Variants in PRIM2 observed in about 807,000 individuals in gnomAD.
PRIM2 encodes the protein DNA primase subunit 2, also known as DNA primase large subunit.
PRIM2 carries 39 observed loss-of-function variants against 67.3 expected under a neutral mutation model. The observed-to-expected ratio is 0.58, with a 90% CI of 0.45 to 0.76. The LOEUF (loss-of-function observed/expected upper bound fraction) is 0.76, where lower values mean the gene tolerates loss of function less well. Ranked by LOEUF, PRIM2 falls within the 30% of genes least tolerant of loss-of-function variation. The pLI, the probability that PRIM2 is intolerant of heterozygous loss-of-function variation, is 0.00. For synonymous variants in PRIM2, 143 were observed against 198.7 expected, an observed-to-expected ratio of 0.72 and a Z score of 2.36; for missense variants, 398 against 598.7, an observed-to-expected ratio of 0.66 and a Z score of 3.50.
chr6:57,470,428 C>CCCTCTCT (rs1773310142), intron 7 of PRIM2, among the ~76,000 whole-genome samples: 1 of 38,772 alleles, frequency 2.6e-5, no homozygotes, highest in Non-Finnish European at 4.8e-5. Context: ...CTCCCCTCTC[C>CCCTCTCT]CCCTCTCCCC....
intron 7 of PRIM2, among the ~76,000 whole-genome samples, chr6:57,422,746 G>T (rs895258969): frequency 3.3e-5 from 5 of 151,740 alleles, no homozygotes; most frequent in African/African-American, 1.2e-4. Flanking sequence ...CAAATGATAG[G>T]GTTTTATGCT....
chr6:57,251,372 G>C, the PRIM2 span, among the ~76,000 whole-genome samples: 1,125 of 152,254 alleles, frequency 7.4e-3, 35 homozygotes, highest in Admixed American at 0.056. Flanking sequence ...CACAATAAAG[G>C]TTCATTTCTT....
At chr6:57,616,363 C>G (rs1776757838) in intron 12 of PRIM2, among the ~76,000 whole-genome samples, 2 of 151,984 alleles carry the variant, frequency 1.3e-5, no homozygotes, top group Non-Finnish European at 2.9e-5. Context: ...ATGATAAGGC[C>G]AGAATTCACA....
At chr6:57,601,377 A>G (rs1404159146) in intron 11 of PRIM2, among the ~76,000 whole-genome samples, 158 bp downstream of exon 11, 3 of 152,214 alleles carry the variant, frequency 2.0e-5, no homozygotes, top group African/African-American at 7.2e-5. Context: ...TACTCTTAGA[A>G]CAATTTGTCT....
intron 7 of PRIM2, among the ~76,000 whole-genome samples, chr6:57,458,219 G>T (rs575064806): frequency 6.6e-6 from 1 of 152,146 alleles, no homozygotes; most frequent in Non-Finnish European, 1.5e-5. Context: ...GATTTAGATT[G>T]CAGTCATAAT....
At chr6:57,245,502 G>A in the PRIM2 span, among the ~76,000 whole-genome samples, 31 of 152,286 alleles carry the variant, frequency 2.0e-4, no homozygotes, top group Non-Finnish European at 4.0e-4. Flanking sequence ...TTAGCTCAGG[G>A]AACTGCAACT....
At chr6:57,301,775 T>C in the PRIM2 span, among the ~76,000 whole-genome samples, 1 of 152,172 alleles carries the variant, frequency 6.6e-6, no homozygotes, top group Non-Finnish European at 1.5e-5. Context: ...TAAGCCAAGA[T>C]TGTTCTACTG....
rs144620907 is a variant in PRIM2 at position 57,403,729 on chromosome 6, G to T, written c.693+21561G>T. 4.8e-3 allele frequency among the ~76,000 whole-genome samples: 725 copies of T among 152,150 alleles called. 2 individuals carry two copies. The highest frequency in any genetic ancestry group is 8.1e-3 in the Non-Finnish European group (548 of 68,018). ...AGTTGCCAGTAAATTTTATCATATA[G>T]AAATAATTTTTAGAGGAGGAAAGCA... On this transcript the variant is annotated intron_variant, in intron 7 of 13. Transcript: ENST00000615550.
At chr6:57,228,455 A>G in the PRIM2 span, among the ~76,000 whole-genome samples, 5 of 152,250 alleles carry the variant, frequency 3.3e-5, no homozygotes, top group African/African-American at 1.2e-4. Context: ...ACCCATAACT[A>G]GAAACACCTC....
chr6:57,315,376 T>C (rs1258544818), upstream of PRIM2, among the ~76,000 whole-genome samples: 3 of 152,282 alleles, frequency 2.0e-5, no homozygotes, highest in East Asian at 5.8e-4. Flanking sequence ...AAGTTCTTAA[T>C]CTTGATCTTC....
chr6:57,278,347 A>C, the PRIM2 span, among the ~76,000 whole-genome samples: 1 of 152,044 alleles, frequency 6.6e-6, no homozygotes. Flanking sequence ...CTACCTTTGG[A>C]GCATATACCT....
chr6:57,569,309 A>T (rs1775816878), intron 10 of PRIM2, among the ~76,000 whole-genome samples: 1 of 152,230 alleles, frequency 6.6e-6, no homozygotes, highest in Admixed American at 6.5e-5. Context: ...AATTATTGAT[A>T]GTTAACAAAT....
the PRIM2 span, among the ~76,000 whole-genome samples, chr6:57,271,527 T>C: frequency 5.3e-4 from 81 of 152,354 alleles, no homozygotes; most frequent in African/African-American, 1.9e-3. Context: ...TTTTCTTCTT[T>C]ATTAGTCTTG....
chr6:57,359,875 G>C (rs1769140744), intron 5 of PRIM2, among the ~76,000 whole-genome samples: 1 of 152,174 alleles, frequency 6.6e-6, no homozygotes, highest in Non-Finnish European at 1.5e-5. Context: ...TTTGATTGGT[G>C]AATCTGCTTA....
chr6:57,428,555 G>T (rs982318), intron 7 of PRIM2, among the ~76,000 whole-genome samples: 1 of 152,142 alleles, frequency 6.6e-6, no homozygotes, highest in Non-Finnish European at 1.5e-5. Flanking sequence ...TTGACAGCAT[G>T]CCTACAAGTA....
At chr6:57,237,891 C>G in the PRIM2 span, among the ~76,000 whole-genome samples, 51 of 152,076 alleles carry the variant, frequency 3.4e-4, no homozygotes, top group African/African-American at 1.2e-3. Context: ...ATTGACTTGG[C>G]GATGCAGGCT....
chr6:57,430,832 C>A (rs1402965345), intron 7 of PRIM2, among the ~76,000 whole-genome samples: 1 of 152,110 alleles, frequency 6.6e-6, no homozygotes, highest in Non-Finnish European at 1.5e-5. Flanking sequence ...GAAAATAAAT[C>A]TCTTAATGTA....
upstream of PRIM2, among the ~76,000 whole-genome samples, chr6:57,316,486 C>A (rs1219035504): frequency 6.6e-6 from 1 of 152,166 alleles, no homozygotes; most frequent in African/African-American, 2.4e-5. Context: ...ATATGTAAAC[C>A]ACTTAGAACA....
intron 5 of PRIM2, among the ~76,000 whole-genome samples, chr6:57,376,880 A>G (rs1342807257): frequency 6.6e-5 from 10 of 152,132 alleles, no homozygotes; most frequent in South Asian, 2.1e-4. Context: ...TAGTTTTTCT[A>G]TATTTTTTAT....
Sources: gnomAD v4.1 joint callset for allele counts (sites outside exome capture counted in the v4.1 genomes callset) on GRCh38, gnomAD v4.1.1 for gene constraint, MANE v1.5 for transcripts, NCBI Gene and HGNC (gene_info 2026-07-23, HGNC 2026-07-21) for gene names.